CSMD1: variants seen among roughly 807,000 people sequenced by gnomAD.
CSMD1 encodes the protein CUB and Sushi multiple domains 1.
In CSMD1, 213 loss-of-function variants were observed where a neutral mutation model predicts 417.5. The ratio of observed to expected loss-of-function variants is 0.51; its 90% CI spans 0.46 to 0.57. The LOEUF (loss-of-function observed/expected upper bound fraction) is 0.57, where lower values mean the gene tolerates loss of function less well. Ranked by LOEUF, CSMD1 falls within the 20% of genes least tolerant of loss-of-function variation. The pLI, the probability that CSMD1 is intolerant of heterozygous loss-of-function variation, is 0.00. For missense variants in CSMD1, 6,923 were observed against 4,529.7 expected (o/e 1.53, Z -15.17); for synonymous variants, 2,862 against 1,736.8 (o/e 1.65, Z -16.11).
At chr8:4,736,886 T>G (rs1331835584) in intron 1 of CSMD1, among the ~76,000 whole-genome samples, 1 of 152,144 alleles carries the variant, frequency 6.6e-6, no homozygotes, top group Admixed American at 6.6e-5. Context: ...AAGCGTTCAG[T>G]AAATGTTATC....
chr8:3,819,175 C>A (rs1249564195), intron 5 of CSMD1, among the ~76,000 whole-genome samples: 1 of 152,108 alleles, frequency 6.6e-6, no homozygotes, highest in Non-Finnish European at 1.5e-5. Flanking sequence ...GATGAGTCTG[C>A]CCACAGTGAA....
At chr8:4,271,855 G>A (rs576315406) in intron 3 of CSMD1, among the ~76,000 whole-genome samples, 1 of 152,172 alleles carries the variant, frequency 6.6e-6, no homozygotes, top group South Asian at 2.1e-4. Context: ...GAAAGGCACA[G>A]TGCATTCCAC....
At chr8:3,458,749 A>G (rs375857272) in intron 12 of CSMD1, among the ~76,000 whole-genome samples, 1 of 152,202 alleles carries the variant, frequency 6.6e-6, no homozygotes, top group Non-Finnish European at 1.5e-5. Context: ...GGCTCTTAAT[A>G]TCTTTGGTTA....
chr8:3,452,436 T>C (rs59548207), intron 12 of CSMD1, among the ~76,000 whole-genome samples: 10,768 of 152,262 alleles, frequency 0.071, 914 homozygotes, highest in East Asian at 0.2. Flanking sequence ...CCCTTCAGTA[T>C]GATATTGGCT....
At chr8:3,555,316 T>C (rs1278127269) in intron 10 of CSMD1, among the ~76,000 whole-genome samples, 1 of 152,052 alleles carries the variant, frequency 6.6e-6, no homozygotes, top group African/African-American at 2.4e-5. Flanking sequence ...TCACAGAGGT[T>C]TTCATTCTGT....
rs978392306 is a variant in CSMD1, at chr8:4,949,978, T to A, written c.85+44354A>T. Among the ~76,000 whole-genome samples the A allele has an allele frequency of 2.4e-4, 37 of 152,124 alleles. 1 individual carries two copies. The highest frequency in any genetic ancestry group is 8.7e-4 in the African/African-American group (36 of 41,424). Reference sequence around the variant, plus strand: ...TATTTTAAACAGTTAATGCAAATGTTTTTTATCTAATTGGTCACGACTATT... The same window carrying A: ...TATTTTAAACAGTTAATGCAAATGTATTTTATCTAATTGGTCACGACTATT... On this transcript the variant is annotated intron_variant, in intron 1 of 69. Coordinates refer to ENST00000635120, the MANE Select transcript of CSMD1 (RefSeq NM_033225.6).
chr8:3,196,594 C>T (rs1362331131), intron 33 of CSMD1, among the ~76,000 whole-genome samples: 1 of 152,146 alleles, frequency 6.6e-6, no homozygotes, highest in Non-Finnish European at 1.5e-5. Context: ...AGCTTCTCAC[C>T]ATAGCTTTAG....
chr8:4,700,710 C>G (rs1000205513), intron 1 of CSMD1, among the ~76,000 whole-genome samples: 2 of 152,002 alleles, frequency 1.3e-5, no homozygotes, highest in Non-Finnish European at 2.9e-5. Flanking sequence ...CAGAAACTCA[C>G]AAAATTATAT....
intron 1 of CSMD1, among the ~76,000 whole-genome samples, chr8:4,908,494 C>T (rs548860027): frequency 1.3e-5 from 2 of 151,890 alleles, no homozygotes; most frequent in East Asian, 1.9e-4. Context: ...TACGGTGTAC[C>T]TTTTGAAACC....
intron 6 of CSMD1, among the ~76,000 whole-genome samples, chr8:3,727,757 C>T (rs898184149): frequency 1.3e-5 from 2 of 152,044 alleles, no homozygotes; most frequent in African/African-American, 2.4e-5. Context: ...TGTGATCTGA[C>T]CATATAATCG....
At chr8:4,679,832 T>C (rs968903119) in intron 1 of CSMD1, among the ~76,000 whole-genome samples, 5 of 152,122 alleles carry the variant, frequency 3.3e-5, no homozygotes, top group Admixed American at 1.3e-4. Flanking sequence ...TATTTAAATA[T>C]GTAATAGATT....
At chr8:3,744,452 G>A (rs1386706030) in intron 6 of CSMD1, among the ~76,000 whole-genome samples, 2 of 152,072 alleles carry the variant, frequency 1.3e-5, no homozygotes, top group African/African-American at 2.4e-5. Flanking sequence ...AAAAGTCTAG[G>A]AAACTAGATT....
chr8:3,452,739 T>C lies in CSMD1; in HGVS notation c.1561+15973A>G, dbSNP rs565967463. On this transcript the variant is annotated intron_variant, in intron 12 of 69. Transcript: ENST00000635120. ...TGTGCCAGTATTTTATTGAGGATTT[T>C]TGCATCGATGTTCATCAGGGATATT... Among the ~76,000 whole-genome samples, 6 of 152,332 alleles carry C rather than the reference T, an allele frequency of 3.9e-5. No individual in the cohort carries two copies. In the East Asian group the frequency reaches 1.2e-3, roughly 29 times the overall value.
chr8:3,580,180 G>T (rs2116967977), intron 9 of CSMD1, among the ~76,000 whole-genome samples: 1 of 152,304 alleles, frequency 6.6e-6, no homozygotes, highest in Non-Finnish European at 1.5e-5. Context: ...TGAGGGTATG[G>T]CGGAGAGAGA....
chr8:4,007,180 A>G (rs1816192732), intron 4 of CSMD1, among the ~76,000 whole-genome samples: 1 of 152,028 alleles, frequency 6.6e-6, no homozygotes, highest in African/African-American at 2.4e-5. Context: ...ACTGATGCCC[A>G]CTTTCATAGA....
At chr8:4,513,723 A>G (rs1802951847) in intron 2 of CSMD1, among the ~76,000 whole-genome samples, 1 of 152,234 alleles carries the variant, frequency 6.6e-6, no homozygotes, top group Non-Finnish European at 1.5e-5. Flanking sequence ...ACAGATACAC[A>G]CACATAAACT....
intron 3 of CSMD1, among the ~76,000 whole-genome samples, chr8:4,346,663 A>T (rs867592220): frequency 1.3e-5 from 2 of 152,204 alleles, no homozygotes; most frequent in East Asian, 1.9e-4. Context: ...GCAATTTTGA[A>T]TTTTTTTTCT....
intron 5 of CSMD1, among the ~76,000 whole-genome samples, chr8:3,830,558 C>G (rs10103977): frequency 0.73 from 110,676 of 152,040 alleles, 40,440 homozygotes; most frequent in East Asian, 0.81. Context: ...CATGTAGAAA[C>G]CCTCCAATAA....
At chr8:4,378,875 T>C (rs1802920718) in intron 3 of CSMD1, among the ~76,000 whole-genome samples, 1 of 152,142 alleles carries the variant, frequency 6.6e-6, no homozygotes, top group Admixed American at 6.5e-5. Flanking sequence ...GTCAGCCCTT[T>C]CTCTAGTTGC....
Sources: gnomAD v4.1 joint callset for allele counts (sites outside exome capture counted in the v4.1 genomes callset) on GRCh38, gnomAD v4.1.1 for gene constraint, MANE v1.5 for transcripts, NCBI Gene and HGNC (gene_info 2026-07-23, HGNC 2026-07-21) for gene names.